DPH6: variants seen among roughly 807,000 people sequenced by gnomAD.
The protein encoded by DPH6 is diphthine--ammonia ligase.
In DPH6, 33 loss-of-function variants were observed where a neutral mutation model predicts 38.2. That is an observed-to-expected ratio of 0.86 (90% CI 0.65 to 1.15). DPH6 has a LOEUF of 1.15. Among genes scored for constraint, DPH6 ranks in the 50% most tolerant of loss-of-function variants. The pLI is 0.00. For synonymous variants in DPH6, 108 were observed against 103.0 expected, an observed-to-expected ratio of 1.05 and a Z score of -0.30; for missense variants, 325 against 320.0, an observed-to-expected ratio of 1.02 and a Z score of -0.12.
chr15:35,400,249 GGTTTATTACCAGA>G (rs1376992028), intron 6 of DPH6, among the ~76,000 whole-genome samples: 6 of 152,112 alleles, frequency 3.9e-5, no homozygotes, highest in South Asian at 2.1e-4. Context: ...GGAAAAGAAA[GGTTTATTACCAGA>G]GTTTATTACC....
intron 5 of DPH6, among the ~76,000 whole-genome samples, chr15:35,430,551 T>C (rs1050820754): frequency 6.7e-6 from 1 of 149,764 alleles, no homozygotes; most frequent in Non-Finnish European, 1.5e-5. Context: ...AAAAAAAAAA[T>C]GAAATAAAAC....
At chr15:35,387,694 T>C (rs1371723821) in intron 6 of DPH6, among the ~76,000 whole-genome samples, 1 of 152,226 alleles carries the variant, frequency 6.6e-6, no homozygotes, top group Non-Finnish European at 1.5e-5. Flanking sequence ...ATTGATTTTG[T>C]ATCCTGAGAC....
chr15:35,262,136 G>A (rs1303236156), intron 3 of DPH6, among the ~76,000 whole-genome samples: 1 of 152,074 alleles, frequency 6.6e-6, no homozygotes, highest in African/African-American at 2.4e-5. Context: ...AAGATTCTAT[G>A]AGTCTATTAC....
chr15:35,454,090 C>T (rs766692433), intron 4 of DPH6, among the ~76,000 whole-genome samples: 1 of 151,878 alleles, frequency 6.6e-6, no homozygotes, highest in Non-Finnish European at 1.5e-5. Context: ...GGTGTCTTGC[C>T]AGGCCAACAT....
rs560388144 is a variant in DPH6, at chr15:35,506,968, T to C, written c.312+31306A>G. ...TGACAGTGTCAGAGAAAAAAAAAGG[T>C]TGGGGTGGGAGAAACTTGTATCCTA... On this transcript the variant is annotated intron_variant, in intron 3 of 8. Coordinates refer to ENST00000256538, the MANE Select transcript of DPH6 (RefSeq NM_080650.4). Among the ~76,000 whole-genome samples the C allele has an allele frequency of 2.0e-5, 3 of 152,120 alleles. No individual in the cohort carries two copies. In the East Asian group the frequency reaches 5.8e-4, roughly 29 times the overall value.
chr15:35,246,768 C>G (rs577377406), intron 3 of DPH6, among the ~76,000 whole-genome samples: 1 of 152,028 alleles, frequency 6.6e-6, no homozygotes, highest in Non-Finnish European at 1.5e-5. Flanking sequence ...ATGGCTCAGA[C>G]GTGGGAAGCT....
chr15:35,286,710 T>A (rs1033781732), intron 3 of DPH6, among the ~76,000 whole-genome samples: 3 of 152,218 alleles, frequency 2.0e-5, no homozygotes, highest in Non-Finnish European at 4.4e-5. Flanking sequence ...TAAATTTAAA[T>A]CCTTAGTTTA....
intron 3 of DPH6, among the ~76,000 whole-genome samples, chr15:35,488,614 G>C (rs979804387): frequency 2.0e-5 from 3 of 152,070 alleles, no homozygotes; most frequent in Admixed American, 2.0e-4. Flanking sequence ...CTCCCACCAG[G>C]TCCCTCCTCT....
At chr15:35,449,770 GAC>G (rs1241207546) in intron 5 of DPH6, among the ~76,000 whole-genome samples, 1 of 152,122 alleles carries the variant, frequency 6.6e-6, no homozygotes, top group Non-Finnish European at 1.5e-5. Context: ...TTCAACTGAA[GAC>G]AACACCTCAA....
chr15:35,497,950 G>A (rs1385751379), intron 3 of DPH6, among the ~76,000 whole-genome samples: 1 of 151,984 alleles, frequency 6.6e-6, no homozygotes, highest in Admixed American at 6.6e-5. Context: ...TAAAATAGTC[G>A]GTTATTGTTG....
rs533235178 is a variant in DPH6, at chr15:35,450,718, T to A, written c.472A>T (p.Ile158Phe). The A allele has an allele frequency of 1.9e-6, 3 of 1,613,380 alleles. No homozygotes were observed. Among genetic ancestry groups the A allele is most frequent in the South Asian group, 2.2e-5 (2 of 90,960 alleles). Residue 158 changes from isoleucine to phenylalanine, a missense_variant, in exon 5 of 9, where the codon ATT (isoleucine) becomes TTT (phenylalanine). By Grantham distance (21) the Ile-to-Phe change is conservative. Transcript: ENST00000256538. ...GCTACTTTGATGATCATTGCTTGAA[T>A]GTTAGATGATATCATCTCTCTGAGC... is the stretch of plus-strand genomic sequence containing the variant. ...DLLREMISSNIQAMIIKVAAL... is the reference protein window; with the variant it reads ...DLLREMISSNFQAMIIKVAAL...
chr15:35,455,760 T>C (rs1200207353), intron 3 of DPH6, among the ~76,000 whole-genome samples: 2 of 152,176 alleles, frequency 1.3e-5, no homozygotes, highest in Non-Finnish European at 2.9e-5. Flanking sequence ...ATAGAAATTC[T>C]CTGAATAGGT....
chr15:35,311,594 TAC>T (rs894278722), intron 3 of DPH6, among the ~76,000 whole-genome samples: 2 of 152,234 alleles, frequency 1.3e-5, no homozygotes, highest in South Asian at 4.2e-4. Context: ...AAAAAAGACA[TAC>T]ACACAGAGAG....
intron 3 of DPH6, among the ~76,000 whole-genome samples, chr15:35,505,339 A>G (rs1256514482): frequency 1.3e-5 from 2 of 151,610 alleles, no homozygotes; most frequent in Non-Finnish European, 2.9e-5. Context: ...TCTTAACTCT[A>G]TTGAGAAAAA....
At chr15:35,370,053 T>C (rs2024019269), downstream of DPH6, among the ~76,000 whole-genome samples, 1 of 151,728 alleles carries the variant, frequency 6.6e-6, no homozygotes, top group South Asian at 2.1e-4. Flanking sequence ...AGCCCAGAAA[T>C]AGACCACACA....
chr15:35,341,908 T>G (rs530081518), intron 3 of DPH6, among the ~76,000 whole-genome samples: 1 of 152,288 alleles, frequency 6.6e-6, no homozygotes, highest in South Asian at 2.1e-4. Flanking sequence ...TGTGCTGCAC[T>G]GGGGGGCACC....
the DPH6 span, among the ~76,000 whole-genome samples, chr15:35,202,193 G>A: frequency 6.6e-6 from 1 of 151,716 alleles, no homozygotes; most frequent in African/African-American, 2.4e-5. Context: ...GATGTAGACT[G>A]TCTCTGCTAT....
intron 3 of DPH6, among the ~76,000 whole-genome samples, chr15:35,313,058 T>C (rs2052157846): frequency 6.6e-6 from 1 of 151,778 alleles, no homozygotes; most frequent in Non-Finnish European, 1.5e-5. Flanking sequence ...TGAAACCCCA[T>C]CTCTACTAAA....
intron 3 of DPH6, among the ~76,000 whole-genome samples, chr15:35,225,637 A>G (rs1425736893): frequency 6.6e-6 from 1 of 152,150 alleles, no homozygotes; most frequent in African/African-American, 2.4e-5. Flanking sequence ...TCTGCCCCAG[A>G]TACAGAATCA....
Sources: gnomAD v4.1 joint callset for allele counts (sites outside exome capture counted in the v4.1 genomes callset) on GRCh38, gnomAD v4.1.1 for gene constraint, MANE v1.5 for transcripts, NCBI Gene and HGNC (gene_info 2026-07-23, HGNC 2026-07-21) for gene names.